The following ADCK1 variants were observed in gnomAD, a reference collection of about 807,000 sequenced individuals.
ADCK1 encodes aarF domain containing kinase 1, also known as aarF domain-containing protein kinase 1.
A neutral mutation model predicts 52.3 loss-of-function variants in ADCK1; 41 were observed. The observed-to-expected ratio is 0.78, with a 90% confidence interval of 0.61 to 1.02. The LOEUF (loss-of-function observed/expected upper bound fraction) is 1.02. Among genes scored for constraint, ADCK1 ranks in the 50% least tolerant of loss-of-function variants. ADCK1 has a pLI of 0.00. For synonymous variants in ADCK1, 250 were observed against 274.6 expected (o/e 0.91, Z 0.89); for missense variants, 658 against 679.5 (o/e 0.97, Z 0.35).
chr14:77,933,570 G>T lies in ADCK1; in HGVS notation c.*179G>T. ...CCGCACACTGTGGCCCTTGTCTCAG[G>T]GCCCACAAGCTGAACTGTGGCATAG... is the stretch of plus-strand genomic sequence containing the variant. On this transcript the variant is annotated 3_prime_UTR_variant, in exon 11 of 11. Coordinates refer to ENST00000238561, the MANE Select transcript of ADCK1 (RefSeq NM_020421.4). The T allele has an allele frequency of 1.5e-6, 1 of 675,602 alleles. No homozygotes were observed. Among genetic ancestry groups the T allele is most frequent in the Non-Finnish European group, 2.5e-6 (1 of 407,490 alleles). 41.9% of individuals were successfully genotyped at this position (675,602 alleles called of 1,614,324 possible).
chr14:77,820,766 A>G (rs1175586155), intron 2 of ADCK1, among the ~76,000 whole-genome samples: 1 of 148,748 alleles, frequency 6.7e-6, no homozygotes, highest in African/African-American at 2.5e-5. Flanking sequence ...ATTTATTATT[A>G]TTATTTTTTT....
chr14:77,837,648 A>T (rs1218356515), intron 3 of ADCK1, among the ~76,000 whole-genome samples: 1 of 152,122 alleles, frequency 6.6e-6, no homozygotes, highest in African/African-American at 2.4e-5. Context: ...GGACTGGATG[A>T]GCTCCCAGGG....
chr14:77,837,658 G>T (rs2081989532), intron 3 of ADCK1, among the ~76,000 whole-genome samples: 1 of 152,180 alleles, frequency 6.6e-6, no homozygotes, highest in Non-Finnish European at 1.5e-5. Context: ...AGCTCCCAGG[G>T]TTCCTCCAGG....
intron 3 of ADCK1, among the ~76,000 whole-genome samples, chr14:77,850,213 C>A (rs1056016659): frequency 8.6e-5 from 13 of 151,696 alleles, no homozygotes; most frequent in African/African-American, 3.1e-4. Context: ...TCTCAAAAAA[C>A]AAACAGAAAG....
intron 3 of ADCK1, among the ~76,000 whole-genome samples, chr14:77,849,214 A>G: frequency 6.6e-6 from 1 of 152,206 alleles, no homozygotes. Flanking sequence ...AACTGGGACC[A>G]AAGGCATATG....
chr14:77,925,414 G>A (rs1379248312), intron 8 of ADCK1, among the ~76,000 whole-genome samples: 11 of 152,230 alleles, frequency 7.2e-5, no homozygotes, highest in African/African-American at 2.7e-4. Context: ...GAAAGTTTCT[G>A]TGGGCCAGGC....
chr14:77,800,704 G>A (rs2081090909), intron 1 of ADCK1, among the ~76,000 whole-genome samples: 1 of 152,250 alleles, frequency 6.6e-6, no homozygotes, highest in Non-Finnish European at 1.5e-5. Flanking sequence ...AGATCACACA[G>A]TAGATATGTG....
chr14:77,834,244 A>AT (rs1262209478), intron 3 of ADCK1, among the ~76,000 whole-genome samples: 2 of 151,594 alleles, frequency 1.3e-5, no homozygotes, highest in African/African-American at 2.4e-5. Context: ...TACAGGTTTG[A>AT]TTTTCTCTCT....
intron 3 of ADCK1, chr14:77,828,044 G>T (rs553895914): frequency 4.5e-6 from 1 of 224,062 alleles, no homozygotes; most frequent in Non-Finnish European, 9.0e-6. Flanking sequence ...TAGCCAGAAT[G>T]ATCTCCATCT....
chr14:77,822,481 C>G lies in ADCK1; in HGVS notation c.182C>G (p.Pro61Arg). 1 of 1,614,144 alleles carries G rather than the reference C, an allele frequency of 6.2e-7. No individual in the cohort carries two copies. Among genetic ancestry groups the G allele is most frequent in the East Asian group, 2.2e-5 (1 of 44,888 alleles). ...TACCTCACTTCCCTGAAGAGTGTCCCTTATGGCTCAGAGGAGTACTTGCAG... is the reference window on the plus strand; with the variant it reads ...TACCTCACTTCCCTGAAGAGTGTCCGTTATGGCTCAGAGGAGTACTTGCAG... ...YDYLTSLKSV[P>R]YGSEEYLQLR... Residue 61 changes from proline to arginine, a missense_variant, in exon 3 of 11, where the codon CCT (proline) becomes CGT (arginine). Physicochemically the swap from Pro to Arg is moderately radical, Grantham distance 103. Coordinates refer to ENST00000238561, the MANE Select transcript of ADCK1 (RefSeq NM_020421.4).
At chr14:77,854,133 A>G (rs2082368114) in intron 3 of ADCK1, among the ~76,000 whole-genome samples, 1 of 152,240 alleles carries the variant, frequency 6.6e-6, no homozygotes, top group South Asian at 2.1e-4. Context: ...CAAGGTTGAC[A>G]TCATGATTTA....
intron 7 of ADCK1, among the ~76,000 whole-genome samples, chr14:77,912,194 C>T (rs1177806462): frequency 2.0e-5 from 3 of 152,134 alleles, no homozygotes; most frequent in Admixed American, 2.0e-4. Context: ...AATCCCCAGT[C>T]CCTGGCTTTT....
At chr14:77,803,859 G>A (rs1316077078) in intron 1 of ADCK1, among the ~76,000 whole-genome samples, 9 of 152,168 alleles carry the variant, frequency 5.9e-5, no homozygotes, top group African/African-American at 1.2e-4. Flanking sequence ...TATCAAAGAC[G>A]TTACCTGTCA....
At chr14:77,908,212 T>A (rs1187218624) in intron 7 of ADCK1, 2 of 226,004 alleles carry the variant, frequency 8.8e-6, no homozygotes, top group Non-Finnish European at 1.8e-5. Context: ...AGAACAATGA[T>A]GCAAAATCAG....
At chr14:77,818,824 T>C in intron 1 of ADCK1, 144 bp from the exon 2 acceptor site, 1 of 957,526 alleles carries the variant, frequency 1.0e-6, no homozygotes, top group Non-Finnish European at 1.5e-6. Context: ...TTATCCTGTT[T>C]TACAAACGAA....
chr14:77,899,001 C>G, intron 5 of ADCK1, 99 bp from the exon 6 acceptor site: 3 of 1,493,196 alleles, frequency 2.0e-6, no homozygotes, highest in Non-Finnish European at 2.7e-6. Context: ...CCCAGGGGAG[C>G]AGTTTCCCTT....
chr14:77,832,070 C>T (rs752343112), intron 3 of ADCK1, among the ~76,000 whole-genome samples: 5 of 152,078 alleles, frequency 3.3e-5, no homozygotes, highest in South Asian at 2.1e-4. Context: ...CTCTACCTTC[C>T]GGGTTCAAGC....
chr14:77,862,029 A>G (rs2082560489), intron 4 of ADCK1, among the ~76,000 whole-genome samples: 1 of 152,180 alleles, frequency 6.6e-6, no homozygotes, highest in South Asian at 2.1e-4. Context: ...GTGACAAGCA[A>G]TGGGATGAGA....
intron 3 of ADCK1, among the ~76,000 whole-genome samples, chr14:77,852,145 C>T (rs1157339881): frequency 4.6e-5 from 7 of 151,918 alleles, no homozygotes; most frequent in Admixed American, 2.6e-4. Context: ...ACTACAGGTG[C>T]GCGCCACCAC....
Sources: gnomAD v4.1 joint callset for allele counts (sites outside exome capture counted in the v4.1 genomes callset) on GRCh38, gnomAD v4.1.1 for gene constraint, MANE v1.5 for transcripts, NCBI Gene and HGNC (gene_info 2026-07-23, HGNC 2026-07-21) for gene names.